Variants in RIPOR2 observed in about 807,000 individuals in gnomAD.
RIPOR2 encodes the protein rho family-interacting cell polarization regulator 2.
In RIPOR2, 39 loss-of-function variants were observed where a neutral mutation model predicts 114.5. The observed-to-expected ratio is 0.34, with a 90% CI of 0.26 to 0.44. The LOEUF is 0.44. RIPOR2 is among the 20% of genes least tolerant of loss of function. RIPOR2 has a pLI of 1.00. For missense variants in RIPOR2, 1,007 were observed against 1,255.1 expected (o/e 0.80, Z 2.99); for synonymous variants, 445 against 484.4 (o/e 0.92, Z 1.07).
At chr6:24,973,595 C>A (rs79834968) in intron 1 of RIPOR2, among the ~76,000 whole-genome samples, 226 of 129,254 alleles carry the variant, frequency 1.7e-3, no homozygotes, top group Middle Eastern at 4.0e-3. Flanking sequence ...GACTGCATCT[C>A]AAAAAAAAAA....
chr6:24,875,191 G>A (rs1333843527), intron 2 of RIPOR2, among the ~76,000 whole-genome samples: 1 of 152,202 alleles, frequency 6.6e-6, no homozygotes, highest in African/African-American at 2.4e-5. Context: ...GATAAACTTG[G>A]TTACATGTTG....
intron 1 of RIPOR2, among the ~76,000 whole-genome samples, chr6:24,932,590 T>C (rs147885729): frequency 8.5e-5 from 13 of 152,330 alleles, no homozygotes; most frequent in African/African-American, 3.1e-4. Flanking sequence ...GAAAGGCAGT[T>C]TAAAAAATAC....
chr6:25,002,014 C>G (rs1775344286), intron 1 of RIPOR2, among the ~76,000 whole-genome samples: 1 of 152,110 alleles, frequency 6.6e-6, no homozygotes, highest in Non-Finnish European at 1.5e-5. Context: ...AGCCTGTGGG[C>G]CTTACTTTCT....
chr6:24,948,538 T>C (rs78078839), intron 1 of RIPOR2, among the ~76,000 whole-genome samples: 77,495 of 147,478 alleles, frequency 0.53, 20,801 homozygotes, highest in Middle Eastern at 0.6. Flanking sequence ...TCTTTCTTTT[T>C]TTTTTTTTTT....
chr6:25,025,889 C>T (rs184625851), intron 1 of RIPOR2, among the ~76,000 whole-genome samples: 4 of 152,280 alleles, frequency 2.6e-5, no homozygotes, highest in Admixed American at 2.6e-4. Context: ...ATGGGCTTGA[C>T]TGGAAGACTG....
intron 1 of RIPOR2, among the ~76,000 whole-genome samples, chr6:24,945,366 A>G (rs1478235230): frequency 6.6e-6 from 1 of 152,204 alleles, no homozygotes; most frequent in African/African-American, 2.4e-5. Flanking sequence ...TGCTAAAGAC[A>G]GTCCTTTAGG....
intron 20 of RIPOR2, among the ~76,000 whole-genome samples, chr6:24,810,442 T>A (rs1174555954): frequency 6.6e-6 from 1 of 152,210 alleles, no homozygotes; most frequent in African/African-American, 2.4e-5. Context: ...TTAGTTTATA[T>A]GCTAAAATAG....
At chr6:24,936,050 T>C, upstream of RIPOR2, 1 of 606,748 alleles carries the variant, frequency 1.6e-6, no homozygotes. Flanking sequence ...GTTTCATTCA[T>C]ATGAATAGGC....
At chr6:24,840,292 G>A in intron 13 of RIPOR2, 1 of 1,042,182 alleles carries the variant, frequency 9.6e-7, no homozygotes. Context: ...TGAATGCCTT[G>A]GGCATGACAA....
intron 1 of RIPOR2, among the ~76,000 whole-genome samples, chr6:24,917,270 T>C (rs1442558434): frequency 6.6e-6 from 1 of 152,182 alleles, no homozygotes; most frequent in African/African-American, 2.4e-5. Context: ...CTGGGAAACC[T>C]CATGAGTCTT....
At chr6:24,916,504 G>A (rs1433351957) in intron 1 of RIPOR2, among the ~76,000 whole-genome samples, 2 of 152,122 alleles carry the variant, frequency 1.3e-5, no homozygotes, top group African/African-American at 2.4e-5. Flanking sequence ...TTGACTAAAC[G>A]AGAAATGAGA....
At chr6:24,859,567 A>C (rs948277592) in intron 8 of RIPOR2, among the ~76,000 whole-genome samples, 1 of 152,228 alleles carries the variant, frequency 6.6e-6, no homozygotes, top group Non-Finnish European at 1.5e-5. Flanking sequence ...CACAGATGCC[A>C]GACTCAGTAG....
intron 19 of RIPOR2, among the ~76,000 whole-genome samples, chr6:24,819,662 A>ATTT (rs35638159): frequency 5.4e-4 from 56 of 103,310 alleles, no homozygotes; most frequent in Non-Finnish European, 8.7e-4. Context: ...CGCCCAGCTA[A>ATTT]TTTTTTTTTT....
chr6:24,875,957 C>G, intron 1 of RIPOR2, 140 bp from the exon 2 acceptor site: 1 of 764,888 alleles, frequency 1.3e-6, no homozygotes. Flanking sequence ...TATGGAGTGT[C>G]CTGAAGACGA....
At chr6:24,823,543 A>C (rs1759884276) in intron 19 of RIPOR2, among the ~76,000 whole-genome samples, 1 of 152,152 alleles carries the variant, frequency 6.6e-6, no homozygotes, top group Non-Finnish European at 1.5e-5. Context: ...CTTTTCCTTT[A>C]TTTCTACAGT....
rs1309513255 is a variant in RIPOR2, at chr6:25,022,531, CA to C, written c.76+19319del. Among the ~76,000 whole-genome samples, 604 of 64,514 alleles carry C rather than the reference CA, an allele frequency of 9.4e-3. 58 individuals carry two copies. Among genetic ancestry groups the C allele is most frequent in the Non-Finnish European group, 0.014 (410 of 29,016 alleles). The allele number at this position is 64,514 out of a possible 152,430, so 42.3% of individuals were successfully genotyped here. On this transcript the variant is annotated intron_variant, in intron 1 of 13. Coordinates refer to the RIPOR2 transcript ENST00000510784. ...CACATATAACTAATGTGGTACCTTC[CA>C]TTTTTTTTTTTTTTTTTTTTTTTTT...
At chr6:24,874,616 C>G (rs184404451) in intron 2 of RIPOR2, among the ~76,000 whole-genome samples, 15 of 152,250 alleles carry the variant, frequency 9.9e-5, no homozygotes, top group African/African-American at 2.6e-4. Context: ...TATTGCTTTT[C>G]TAAAACATCA....
intron 1 of RIPOR2, among the ~76,000 whole-genome samples, chr6:25,005,694 G>GTT: frequency 2.2e-5 from 1 of 45,378 alleles, no homozygotes; most frequent in Non-Finnish European, 5.7e-5. Context: ...TCCCTATGGA[G>GTT]ATATATATAT....
At chr6:24,941,701 C>G (rs1363536285) in intron 1 of RIPOR2, among the ~76,000 whole-genome samples, 2 of 152,186 alleles carry the variant, frequency 1.3e-5, no homozygotes, top group Non-Finnish European at 2.9e-5. Flanking sequence ...AATCCTGTAG[C>G]TGCTACTGAT....
Sources: allele counts gnomAD v4.1 joint callset (sites outside exome capture counted in the v4.1 genomes callset), GRCh38; gene constraint gnomAD v4.1.1; transcripts MANE v1.5; gene names NCBI Gene and HGNC (gene_info 2026-07-23, HGNC 2026-07-21).